The following PDE1A variants were observed in gnomAD, a reference collection of about 807,000 sequenced individuals.
PDE1A encodes phosphodiesterase 1A.
In PDE1A, 35 loss-of-function variants were observed where a neutral mutation model predicts 61.7. That is an observed-to-expected ratio of 0.57 (90% confidence interval 0.43 to 0.75). The LOEUF is 0.75. PDE1A is among the 30% of genes least tolerant of loss of function. The pLI, the probability that PDE1A is intolerant of heterozygous loss-of-function variation, is 0.00. For synonymous variants in PDE1A, 232 were observed against 213.2 expected (o/e 1.09, Z -0.77); for missense variants, 597 against 630.6 (o/e 0.95, Z 0.57).
At chr2:182,515,620 G>GT (rs1690083527) in intron 2 of PDE1A, among the ~76,000 whole-genome samples, 2 of 152,224 alleles carry the variant, frequency 1.3e-5, no homozygotes, top group Admixed American at 1.3e-4. Context: ...TGATGAAGTG[G>GT]TTTTCTTCAA....
intron 2 of PDE1A, among the ~76,000 whole-genome samples, chr2:182,448,254 T>C (rs911138551): frequency 6.6e-6 from 1 of 152,142 alleles, no homozygotes; most frequent in Non-Finnish European, 1.5e-5. Flanking sequence ...TCCTTTCTTC[T>C]TTATTTTAAA....
At chr2:182,238,273 A>AAAAAAAAAAAAAT (rs1690216390) in intron 3 of PDE1A, among the ~76,000 whole-genome samples, 1 of 151,044 alleles carries the variant, frequency 6.6e-6, no homozygotes, top group Non-Finnish European at 1.5e-5. Context: ...CGTCAAAAAA[A>AAAAAAAAAAAAAT]AAAAAAAAAG....
chr2:182,177,573 A>T (rs1012672124), intron 13 of PDE1A, among the ~76,000 whole-genome samples: 1 of 151,940 alleles, frequency 6.6e-6, no homozygotes. Context: ...ATGGTTGTAG[A>T]TGTGTGGCAT....
chr2:182,630,693 T>C, the PDE1A span, among the ~76,000 whole-genome samples: 2 of 152,228 alleles, frequency 1.3e-5, no homozygotes, highest in African/African-American at 4.8e-5. Flanking sequence ...ATGTTATTAA[T>C]CTTTTAATCC....
At chr2:182,684,687 A>G in the PDE1A span, among the ~76,000 whole-genome samples, 25 of 152,240 alleles carry the variant, frequency 1.6e-4, 1 homozygote, top group African/African-American at 5.3e-4. Flanking sequence ...AGCAGCTGGG[A>G]TTACAGGCAT....
chr2:182,713,306 T>C, the PDE1A span, among the ~76,000 whole-genome samples: 21 of 152,202 alleles, frequency 1.4e-4, no homozygotes, highest in Non-Finnish European at 2.2e-4. Context: ...GGCAGAGCTA[T>C]GTCCTTGCTC....
At chr2:182,672,637 T>C in the PDE1A span, among the ~76,000 whole-genome samples, 1 of 152,350 alleles carries the variant, frequency 6.6e-6, no homozygotes, top group African/African-American at 2.4e-5. Flanking sequence ...AAAAGACAAA[T>C]GTGGGCAGCC....
chr2:182,674,870 T>C, the PDE1A span, among the ~76,000 whole-genome samples: 1 of 152,166 alleles, frequency 6.6e-6, no homozygotes, highest in Non-Finnish European at 1.5e-5. Flanking sequence ...TCAAGCAATG[T>C]TAATCAGTTC....
chr2:182,230,412 G>A (rs1033016501), intron 5 of PDE1A, among the ~76,000 whole-genome samples: 1 of 152,052 alleles, frequency 6.6e-6, no homozygotes, highest in Non-Finnish European at 1.5e-5. Context: ...AGTATCTTCC[G>A]GAGAGTAGGA....
chr2:182,418,423 G>A (rs1251139739), intron 1 of PDE1A, among the ~76,000 whole-genome samples: 1 of 152,084 alleles, frequency 6.6e-6, no homozygotes, highest in Non-Finnish European at 1.5e-5. Context: ...CTGGAGTCAG[G>A]TGAACCATGT....
chr2:182,541,125 TACA>T, the PDE1A span, among the ~76,000 whole-genome samples: 2 of 152,260 alleles, frequency 1.3e-5, no homozygotes, highest in South Asian at 4.1e-4. Flanking sequence ...TCAAAACATA[TACA>T]ACAATATCTA....
At chr2:182,482,953 C>A (rs1380825624) in intron 2 of PDE1A, among the ~76,000 whole-genome samples, 1 of 151,916 alleles carries the variant, frequency 6.6e-6, no homozygotes, top group Non-Finnish European at 1.5e-5. Flanking sequence ...ATAAGAGATA[C>A]ACTTTAGATA....
At chr2:182,660,902 T>C in the PDE1A span, among the ~76,000 whole-genome samples, 2 of 152,214 alleles carry the variant, frequency 1.3e-5, no homozygotes, top group Non-Finnish European at 2.9e-5. Flanking sequence ...AACCCTGGGA[T>C]AATAAATTAG....
At chr2:182,149,050 A>T (rs552598707) in intron 13 of PDE1A, among the ~76,000 whole-genome samples, 2 of 152,098 alleles carry the variant, frequency 1.3e-5, no homozygotes, top group African/African-American at 4.8e-5. Context: ...GACATTTATC[A>T]TGTTAGAGTC....
chr2:182,679,005 C>CTTTTTTT, the PDE1A span, among the ~76,000 whole-genome samples: 1 of 127,658 alleles, frequency 7.8e-6, no homozygotes, highest in Non-Finnish European at 1.6e-5. Context: ...TTTGGTTTCT[C>CTTTTTTT]TTTTTTTTTT....
At chr2:182,627,117 A>T in the PDE1A span, among the ~76,000 whole-genome samples, 1 of 59,138 alleles carries the variant, frequency 1.7e-5, no homozygotes. Context: ...AATATAAATA[A>T]TATATTATGT....
chr2:182,561,840 T>A, the PDE1A span, among the ~76,000 whole-genome samples: 1 of 152,324 alleles, frequency 6.6e-6, no homozygotes, highest in South Asian at 2.1e-4. Flanking sequence ...AGTTCACTCA[T>A]GATTTGGCTC....
chr2:182,626,722 T>C, the PDE1A span, among the ~76,000 whole-genome samples: 1 of 12,948 alleles, frequency 7.7e-5, no homozygotes, highest in Non-Finnish European at 2.8e-4. Flanking sequence ...TGGCTTTATA[T>C]ATATATATAT....
chr2:182,563,448 C>T, the PDE1A span, among the ~76,000 whole-genome samples: 1 of 152,228 alleles, frequency 6.6e-6, no homozygotes. Context: ...TGTTCTTTTC[C>T]ATTTGCTGAG....
Sources: gnomAD v4.1 joint callset for allele counts (sites outside exome capture counted in the v4.1 genomes callset) on GRCh38, gnomAD v4.1.1 for gene constraint, MANE v1.5 for transcripts, NCBI Gene and HGNC (gene_info 2026-07-23, HGNC 2026-07-21) for gene names.